CPD: variants seen among roughly 807,000 people sequenced by gnomAD.
CPD encodes the protein metallocarboxypeptidase D.
CPD carries 69 observed loss-of-function variants against 138.3 expected under a neutral mutation model. That is an observed-to-expected ratio of 0.50 (90% CI 0.41 to 0.61). The LOEUF (loss-of-function observed/expected upper bound fraction) is 0.61. Ranked by LOEUF, CPD falls within the 20% of genes least tolerant of loss-of-function variation. The pLI is 0.00. For missense variants in CPD, 1,432 were observed against 1,733.3 expected (o/e 0.83, Z 3.09); for synonymous variants, 651 against 642.1 (o/e 1.01, Z -0.21).
At chr17:30,414,224 A>T (rs1266882828) in intron 2 of CPD, among the ~76,000 whole-genome samples, 1 of 152,224 alleles carries the variant, frequency 6.6e-6, no homozygotes, top group Non-Finnish European at 1.5e-5. Context: ...TTACTCTGGC[A>T]TCTCTGTTGA....
At chr17:30,383,970 A>G (rs555575859) in intron 1 of CPD, among the ~76,000 whole-genome samples, 3 of 152,300 alleles carry the variant, frequency 2.0e-5, no homozygotes, top group Non-Finnish European at 4.4e-5. Context: ...CATAAAAGGA[A>G]TTCTTCAGTA....
At chr17:30,406,237 T>C (rs1365210417) in intron 2 of CPD, among the ~76,000 whole-genome samples, 2 of 152,086 alleles carry the variant, frequency 1.3e-5, no homozygotes, top group African/African-American at 4.8e-5. Flanking sequence ...CATTAGATTT[T>C]ACACTGTGAA....
chr17:30,396,796 TCTTTC>T (rs535284558), intron 2 of CPD, among the ~76,000 whole-genome samples: 146 of 152,290 alleles, frequency 9.6e-4, no homozygotes, highest in Admixed American at 1.6e-3. Flanking sequence ...TAGGTTTCTT[TCTTTC>T]CTTTCCTTTC....
intron 4 of CPD, among the ~76,000 whole-genome samples, chr17:30,422,060 G>A (rs112984939): frequency 6.6e-6 from 1 of 152,118 alleles, no homozygotes; most frequent in Admixed American, 6.6e-5. Flanking sequence ...TTAGAGGAAG[G>A]ACAATTTTTA....
At chr17:30,423,482 T>G (rs767148695) in intron 5 of CPD, 24 bp from the exon 6 acceptor site, 2 of 1,460,150 alleles carry the variant, frequency 1.4e-6, no homozygotes, top group East Asian at 2.5e-5. Flanking sequence ...AAAAAAGCCT[T>G]CCATGTAATT....
chr17:30,415,739 A>G (rs1912088052), intron 2 of CPD, among the ~76,000 whole-genome samples: 2 of 152,218 alleles, frequency 1.3e-5, no homozygotes, highest in Non-Finnish European at 2.9e-5. Flanking sequence ...AAGCAATTAA[A>G]TGTCAATTGA....
chr17:30,460,201 A>G (rs939432441), intron 17 of CPD, among the ~76,000 whole-genome samples: 7 of 152,236 alleles, frequency 4.6e-5, no homozygotes, highest in Non-Finnish European at 8.8e-5. Context: ...GAAGCAGTAC[A>G]TAGCAGAAGT....
chr17:30,457,809 G>T (rs138963402), intron 17 of CPD, among the ~76,000 whole-genome samples: 6 of 151,908 alleles, frequency 3.9e-5, no homozygotes, highest in Non-Finnish European at 8.8e-5. Flanking sequence ...AAGACCACCC[G>T]CATGCACCAC....
chr17:30,422,047 G>A (rs1481449599), intron 4 of CPD, among the ~76,000 whole-genome samples: 1 of 152,142 alleles, frequency 6.6e-6, no homozygotes, highest in Non-Finnish European at 1.5e-5. Flanking sequence ...CATAGTTGTA[G>A]CATTAGAGGA....
Position 30,445,715 on chromosome 17 carries a change from G to T in CPD, c.2568G>T (p.Val856=). The change falls in exon 12 of 21, where the codon GTG becomes GTT. Residue 856 remains valine, a synonymous_variant. Coordinates refer to ENST00000225719, the MANE Select transcript of CPD (RefSeq NM_001304.5). The part of the protein sequence containing the change: ...ARGYNPVTKN[V]TVKSEGAIQV... ...GGTATAATCCAGTTACCAAGAATGTGACTGTCAAGAGTGAAGGCGCTATTC... is the reference window on the plus strand; with the variant it reads ...GGTATAATCCAGTTACCAAGAATGTTACTGTCAAGAGTGAAGGCGCTATTC... The T allele has an allele frequency of 6.2e-7, 1 of 1,609,876 alleles. No homozygotes were observed. Among genetic ancestry groups the T allele is most frequent in the Non-Finnish European group, 8.5e-7 (1 of 1,177,824 alleles).
intron 2 of CPD, among the ~76,000 whole-genome samples, chr17:30,401,259 CCTT>C (rs1377822209): frequency 5.9e-5 from 9 of 151,360 alleles, no homozygotes; most frequent in African/African-American, 4.9e-5. Context: ...TTCTCCTTCT[CCTT>C]CTCCTCCTCC....
rs765613836 is a variant in CPD, at chr17:30,468,828, A to G, written c.*4014A>G. Reference sequence around the variant, plus strand: ...AGGATCAGAATACAGGGTATCACCTATGGAATGTTTCTGTATTTATGAATT... The same window carrying G: ...AGGATCAGAATACAGGGTATCACCTGTGGAATGTTTCTGTATTTATGAATT... On this transcript the variant is annotated 3_prime_UTR_variant, in exon 21 of 21. Transcript: ENST00000225719. 5.3e-5 allele frequency: 8 copies of G among 152,206 alleles called. No individual in the cohort carries two copies. The highest frequency in any genetic ancestry group is 7.4e-5 in the Non-Finnish European group (5 of 68,014). The allele number at this position is 152,206 out of a possible 1,614,324, so 9.4% of individuals were successfully genotyped here. A position where few individuals can be genotyped will look rare whatever the true frequency, so the allele number is the denominator to read the frequency against.
At chr17:30,409,587 G>A (rs991971402) in intron 2 of CPD, among the ~76,000 whole-genome samples, 1 of 152,318 alleles carries the variant, frequency 6.6e-6, no homozygotes, top group East Asian at 1.9e-4. Flanking sequence ...TCTTGGGAGG[G>A]TGTATGTGTC....
intron 9 of CPD, 125 bp from the exon 10 acceptor site, chr17:30,442,183 C>T: frequency 1.3e-6 from 1 of 766,816 alleles, no homozygotes; most frequent in Non-Finnish European, 2.1e-6. Flanking sequence ...CTCACATGAA[C>T]ACGTTAGCTT....
intron 16 of CPD, 37 bp from the exon 17 acceptor site, chr17:30,456,425 G>A: frequency 6.2e-7 from 1 of 1,611,590 alleles, no homozygotes; most frequent in Non-Finnish European, 8.5e-7. Context: ...TTCACCTTAA[G>A]GTCTTCCTGA....
At chr17:30,392,597 C>G (rs919234882) in intron 2 of CPD, among the ~76,000 whole-genome samples, 1 of 152,122 alleles carries the variant, frequency 6.6e-6, no homozygotes, top group Non-Finnish European at 1.5e-5. Flanking sequence ...AAAAATATGT[C>G]TGAACCCACT....
chr17:30,461,558 A>G (rs1913474105), intron 18 of CPD, among the ~76,000 whole-genome samples: 2 of 152,186 alleles, frequency 1.3e-5, no homozygotes, highest in African/African-American at 4.8e-5. Context: ...TCACAGAGTT[A>G]CTGGAGTCAG....
intron 17 of CPD, among the ~76,000 whole-genome samples, chr17:30,460,423 C>CA (rs1420869582): frequency 6.6e-6 from 1 of 152,124 alleles, no homozygotes; most frequent in Non-Finnish European, 1.5e-5. Context: ...GAGACTGGTA[C>CA]AGGGAGACCG....
In CPD at chr17:30,461,904, A is replaced by C. The variant is rs778836822; in HGVS notation, c.3658A>C (p.Lys1220Gln). 1 of 1,601,366 alleles carries C rather than the reference A, an allele frequency of 6.2e-7. No homozygotes were observed. Among genetic ancestry groups the C allele is most frequent in the South Asian group, 1.1e-5 (1 of 89,210 alleles). ...TCACAAGGGAGTTCATGGATTTGTT[A>C]AAGATAAGACTGGAAAGCCAATCTC... ...EVHKGVHGFV[K>Q]DKTGKPISKA... Residue 1220 changes from lysine (K) to glutamine (Q), a missense_variant, in exon 19 of 21, where the codon AAA becomes CAA. Lys to Gln is a moderately conservative substitution (Grantham distance 53). Around this residue, in one of 6 missense-constraint regions of CPD, gnomAD observed 366 missense variants for 518.8 expected, o/e 0.71. Coordinates refer to ENST00000225719, the MANE Select transcript of CPD (RefSeq NM_001304.5).
Sources: gnomAD v4.1 joint callset for allele counts (sites outside exome capture counted in the v4.1 genomes callset) on GRCh38, gnomAD v4.1.1 for gene constraint, gnomAD v4.1.1 regional missense constraint, MANE v1.5 for transcripts, NCBI Gene and HGNC (gene_info 2026-07-23, HGNC 2026-07-21) for gene names.